Variants in SPIDR observed in about 807,000 individuals in gnomAD.
SPIDR encodes DNA repair-scaffolding protein.
A neutral mutation model predicts 104.6 loss-of-function variants in SPIDR; 93 were observed. That is an observed-to-expected ratio of 0.89 (90% CI 0.75 to 1.06). The LOEUF is 1.06. SPIDR is among the 50% of genes least tolerant of loss of function. The probability of loss-of-function intolerance (pLI) is 0.00; values close to 1 mark genes in which losing one functional copy is unlikely to be tolerated. For synonymous variants in SPIDR, 431 were observed against 416.9 expected (o/e 1.03, Z -0.41); for missense variants, 1,154 against 1,111.2 (o/e 1.04, Z -0.55).
chr8:47,416,872 G>A (rs1004918027), intron 7 of SPIDR, among the ~76,000 whole-genome samples: 1 of 150,670 alleles, frequency 6.6e-6, no homozygotes, highest in African/African-American at 2.4e-5. Flanking sequence ...GAGAACACGC[G>A]GTGTTTGGTT....
intron 5 of SPIDR, among the ~76,000 whole-genome samples, chr8:47,307,835 G>T (rs1042315124): frequency 6.6e-6 from 1 of 152,022 alleles, no homozygotes; most frequent in Non-Finnish European, 1.5e-5. Flanking sequence ...CACTGTGCCC[G>T]CCCTAGTACT....
At chr8:47,298,889 A>G (rs1217975131) in intron 5 of SPIDR, among the ~76,000 whole-genome samples, 1 of 152,200 alleles carries the variant, frequency 6.6e-6, no homozygotes, top group African/African-American at 2.4e-5. Context: ...AGGTAGCGTG[A>G]TGCCTCCAGC....
intron 5 of SPIDR, among the ~76,000 whole-genome samples, chr8:47,319,415 C>T (rs1301618027): frequency 1.3e-5 from 2 of 152,120 alleles, no homozygotes; most frequent in African/African-American, 4.8e-5. Flanking sequence ...TATATATGCA[C>T]CCAATACGGG....
chr8:47,272,361 A>G (rs2035514704), intron 1 of SPIDR, among the ~76,000 whole-genome samples: 1 of 152,004 alleles, frequency 6.6e-6, no homozygotes, highest in African/African-American at 2.4e-5. Context: ...TCCCCTCCCC[A>G]GGGTTTCTGT....
chr8:47,585,701 G>A (rs11987727), intron 8 of SPIDR, among the ~76,000 whole-genome samples: 4,216 of 152,178 alleles, frequency 0.028, 208 homozygotes, highest in African/African-American at 0.095. Context: ...CTTCTTGCTG[G>A]TGGAGACTCT....
chr8:47,296,611 A>T (rs1303544377), intron 5 of SPIDR, among the ~76,000 whole-genome samples: 3 of 152,002 alleles, frequency 2.0e-5, no homozygotes, highest in African/African-American at 7.3e-5. Flanking sequence ...ACCCTGTTTG[A>T]TTGGTTAGTT....
chr8:47,530,246 T>C (rs2085726312), intron 8 of SPIDR, among the ~76,000 whole-genome samples: 1 of 152,172 alleles, frequency 6.6e-6, no homozygotes, highest in African/African-American at 2.4e-5. Flanking sequence ...AGTAGGCAGA[T>C]AACTTGAGGC....
At chr8:47,727,406 G>T in intron 17 of SPIDR, 113 bp downstream of exon 17, 3 of 890,790 alleles carry the variant, frequency 3.4e-6, no homozygotes, top group Non-Finnish European at 5.4e-6. Flanking sequence ...AGCTCAAGGG[G>T]CAACCTCTGC....
At chr8:47,617,332 G>A (rs1054372186) in intron 10 of SPIDR, among the ~76,000 whole-genome samples, 5 of 152,192 alleles carry the variant, frequency 3.3e-5, no homozygotes, top group Non-Finnish European at 7.3e-5. Context: ...AAGAGCATTT[G>A]TGACATAGAC....
At chr8:47,690,517 A>G (rs1394805740) in intron 11 of SPIDR, among the ~76,000 whole-genome samples, 1 of 151,560 alleles carries the variant, frequency 6.6e-6, no homozygotes, top group Non-Finnish European at 1.5e-5. Flanking sequence ...AACAAAAGAC[A>G]TTTTTAAATA....
chr8:47,303,181 G>A (rs1016789870), intron 5 of SPIDR, among the ~76,000 whole-genome samples: 2 of 152,210 alleles, frequency 1.3e-5, no homozygotes, highest in African/African-American at 4.8e-5. Context: ...CTGCCTTGCA[G>A]TTTGATCTCA....
chr8:47,373,464 T>C (rs2058287652), intron 5 of SPIDR, among the ~76,000 whole-genome samples: 1 of 152,160 alleles, frequency 6.6e-6, no homozygotes. Flanking sequence ...GTTTAAAATG[T>C]GGCAGTAGTT....
chr8:47,712,285 A>G (rs1360047057), intron 14 of SPIDR, among the ~76,000 whole-genome samples: 1 of 152,244 alleles, frequency 6.6e-6, no homozygotes, highest in Non-Finnish European at 1.5e-5. Context: ...ACCCTCAGGA[A>G]ACTTACAACT....
At chr8:47,508,562 C>T (rs965405281) in intron 8 of SPIDR, among the ~76,000 whole-genome samples, 4 of 152,142 alleles carry the variant, frequency 2.6e-5, no homozygotes, top group African/African-American at 9.7e-5. Context: ...TAAAAGATGC[C>T]GTGTTGCTTT....
chr8:47,611,476 A>T (rs938523154), intron 10 of SPIDR, among the ~76,000 whole-genome samples: 7 of 152,160 alleles, frequency 4.6e-5, no homozygotes, highest in African/African-American at 1.7e-4. Flanking sequence ...AGACGGGCAG[A>T]TCACGAGGTC....
intron 6 of SPIDR, among the ~76,000 whole-genome samples, chr8:47,400,122 A>G (rs1166775889): frequency 7.2e-5 from 11 of 152,150 alleles, no homozygotes; most frequent in African/African-American, 2.7e-4. Context: ...GCTGGAACGT[A>G]AGGGAGGCTA....
At chr8:47,421,516 CT>C (rs1372781298) in intron 7 of SPIDR, among the ~76,000 whole-genome samples, 8 of 152,158 alleles carry the variant, frequency 5.3e-5, no homozygotes, top group African/African-American at 1.7e-4. Context: ...TTCGTCTAAT[CT>C]TTTTTCAAGG....
intron 8 of SPIDR, among the ~76,000 whole-genome samples, chr8:47,575,371 C>T (rs2058954588): frequency 6.6e-6 from 1 of 152,090 alleles, no homozygotes; most frequent in African/African-American, 2.4e-5. Flanking sequence ...TGGCCGGGCG[C>T]GGTGGCTCAC....
intron 5 of SPIDR, among the ~76,000 whole-genome samples, chr8:47,383,113 CAG>C (rs1462762957): frequency 6.6e-6 from 1 of 152,240 alleles, no homozygotes; most frequent in Non-Finnish European, 1.5e-5. Flanking sequence ...CTACCCACCA[CAG>C]GGGCATCTCA....
Sources: allele counts gnomAD v4.1 joint callset (sites outside exome capture counted in the v4.1 genomes callset), GRCh38; gene constraint gnomAD v4.1.1; transcripts MANE v1.5; gene names NCBI Gene and HGNC (gene_info 2026-07-23, HGNC 2026-07-21).